Variants in SMAP1 observed in about 807,000 individuals in gnomAD.
SMAP1 encodes the protein stromal membrane-associated protein 1.
SMAP1 carries 24 observed loss-of-function variants against 58.5 expected under a neutral mutation model. The observed-to-expected ratio is 0.41, with a 90% CI of 0.30 to 0.58. The LOEUF (loss-of-function observed/expected upper bound fraction) is 0.58, where lower values mean the gene tolerates loss of function less well. SMAP1 is among the 20% of genes least tolerant of loss of function. The probability of loss-of-function intolerance (pLI) is 0.29; values close to 1 mark genes in which losing one functional copy is unlikely to be tolerated. For synonymous variants in SMAP1, 216 were observed against 196.6 expected, an observed-to-expected ratio of 1.10 and a Z score of -0.82; for missense variants, 563 against 566.3, an observed-to-expected ratio of 0.99 and a Z score of 0.06.
chr6:70,829,283 T>A (rs1003815376), intron 6 of SMAP1, among the ~76,000 whole-genome samples: 3 of 151,824 alleles, frequency 2.0e-5, no homozygotes, highest in African/African-American at 7.3e-5. Context: ...TTTGTTTTTG[T>A]TTTTTTTATT....
intron 1 of SMAP1, among the ~76,000 whole-genome samples, chr6:70,685,007 A>G (rs1198833361): frequency 1.3e-5 from 2 of 152,168 alleles, no homozygotes; most frequent in Non-Finnish European, 2.9e-5. Flanking sequence ...CAGTGTCATT[A>G]CATGTAGAAT....
chr6:70,742,896 A>G (rs1391481347), intron 2 of SMAP1, among the ~76,000 whole-genome samples: 2 of 152,234 alleles, frequency 1.3e-5, no homozygotes, highest in African/African-American at 4.8e-5. Context: ...TTATAAAACC[A>G]TCAGGTCTTG....
At chr6:70,854,499 G>A (rs1272592551) in intron 8 of SMAP1, among the ~76,000 whole-genome samples, 2 of 152,082 alleles carry the variant, frequency 1.3e-5, no homozygotes, top group Non-Finnish European at 2.9e-5. Context: ...GCGTGCGCCT[G>A]TAATCCCAGT....
chr6:70,846,568 G>T (rs1332756886), intron 7 of SMAP1, among the ~76,000 whole-genome samples: 1 of 152,164 alleles, frequency 6.6e-6, no homozygotes, highest in South Asian at 2.1e-4. Flanking sequence ...GGAACATTTG[G>T]AGGTGGAGTT....
At chr6:70,674,190 G>A (rs903067655) in intron 1 of SMAP1, among the ~76,000 whole-genome samples, 1 of 151,028 alleles carries the variant, frequency 6.6e-6, no homozygotes, top group Non-Finnish European at 1.5e-5. Flanking sequence ...TAGGCTCTCT[G>A]CAACCTCTCC....
At chr6:70,757,199 C>G (rs1332105949) in intron 3 of SMAP1, among the ~76,000 whole-genome samples, 2 of 149,986 alleles carry the variant, frequency 1.3e-5, no homozygotes, top group Admixed American at 6.6e-5. Flanking sequence ...GAACAGAGCC[C>G]TCAGAAATAA....
At chr6:70,843,644 C>T (rs1198877555) in intron 7 of SMAP1, among the ~76,000 whole-genome samples, 1 of 152,152 alleles carries the variant, frequency 6.6e-6, no homozygotes, top group Non-Finnish European at 1.5e-5. Flanking sequence ...TTGTGCTATA[C>T]ACGAAATAGA....
At chr6:70,704,694 T>A (rs1329708632) in intron 1 of SMAP1, among the ~76,000 whole-genome samples, 1 of 152,176 alleles carries the variant, frequency 6.6e-6, no homozygotes, top group Non-Finnish European at 1.5e-5. Flanking sequence ...TATAGCAATT[T>A]TCATTGTTAC....
chr6:70,750,725 T>C (rs1427135555), intron 2 of SMAP1, among the ~76,000 whole-genome samples: 1 of 152,160 alleles, frequency 6.6e-6, no homozygotes, highest in Non-Finnish European at 1.5e-5. Context: ...CGATTATGGA[T>C]TGATGAGGGC....
At chr6:70,843,434 A>G (rs1239434068) in intron 7 of SMAP1, among the ~76,000 whole-genome samples, 1 of 152,188 alleles carries the variant, frequency 6.6e-6, no homozygotes. Flanking sequence ...TTTTTGCAAC[A>G]GCCCTGAGAT....
At chr6:70,808,824 T>G (rs1324977769) in intron 6 of SMAP1, among the ~76,000 whole-genome samples, 2 of 144,794 alleles carry the variant, frequency 1.4e-5, no homozygotes, top group Non-Finnish European at 3.0e-5. Context: ...TTTAATCAGG[T>G]TTTTTTTTTT....
At chr6:70,777,785 C>T (rs889194538) in intron 4 of SMAP1, among the ~76,000 whole-genome samples, 6 of 151,636 alleles carry the variant, frequency 4.0e-5, no homozygotes, top group African/African-American at 1.5e-4. Flanking sequence ...TGGAGTCCCC[C>T]TGTTTCACCC....
intron 4 of SMAP1, among the ~76,000 whole-genome samples, chr6:70,784,984 G>A (rs11760141): frequency 0.1 from 15,162 of 151,896 alleles, 814 homozygotes; most frequent in Middle Eastern, 0.2. Context: ...CTCCACCCCA[G>A]ATCAACAGAA....
At position 70,787,291 on chromosome 6, in the gene SMAP1, A is replaced by G. The variant is rs577533417; in HGVS notation, c.415-4398A>G. On this transcript the variant is annotated intron_variant, in intron 4 of 10. Transcript: ENST00000370455. ...ATCCCTTCCTTACACCTTATACAAA[A>G]ATTAATTCAAGATGGATTAAAGACT... is the stretch of plus-strand genomic sequence containing the variant. 2.0e-3 allele frequency among the ~76,000 whole-genome samples: 309 copies of G among 152,350 alleles called. 1 individual carries two copies. The highest frequency in any genetic ancestry group is 6.1e-3 in the African/African-American group (252 of 41,570).
chr6:70,755,306 A>G (rs1234550507), intron 3 of SMAP1, among the ~76,000 whole-genome samples: 1 of 152,072 alleles, frequency 6.6e-6, no homozygotes, highest in Non-Finnish European at 1.5e-5. Flanking sequence ...ATGTGATTAC[A>G]GACCCCTGAT....
intron 1 of SMAP1, among the ~76,000 whole-genome samples, chr6:70,690,688 T>TA (rs1767125231): frequency 2.2e-5 from 3 of 136,556 alleles, no homozygotes; most frequent in South Asian, 4.7e-4. Context: ...GATGTATCTT[T>TA]TATATATATA....
intron 4 of SMAP1, among the ~76,000 whole-genome samples, chr6:70,783,340 C>A (rs565170464): frequency 6.6e-6 from 1 of 152,204 alleles, no homozygotes; most frequent in Admixed American, 6.5e-5. Context: ...GATGAAACCA[C>A]AAAGATGGGG....
chr6:70,723,065 A>G (rs924966633), intron 1 of SMAP1, among the ~76,000 whole-genome samples: 2 of 152,152 alleles, frequency 1.3e-5, no homozygotes, highest in African/African-American at 4.8e-5. Flanking sequence ...AACTTTTATT[A>G]TATTTTATAG....
chr6:70,861,780 C>T lies in SMAP1; in HGVS notation c.*1446C>T. ...GGGGAAGGAAATAGCTTGGGTAGCG[C>T]ACTCTTCATGGTGACACTCGAGGTC... On this transcript the variant is annotated 3_prime_UTR_variant, in exon 11 of 11. Coordinates refer to ENST00000370455, the MANE Select transcript of SMAP1 (RefSeq NM_001044305.3). The T allele has an allele frequency of 6.2e-7, 1 of 1,614,036 alleles. No individual in the cohort carries two copies. Among genetic ancestry groups the T allele is most frequent in the East Asian group, 2.2e-5 (1 of 44,870 alleles).
Sources: gnomAD v4.1 joint callset for allele counts (sites outside exome capture counted in the v4.1 genomes callset) on GRCh38, gnomAD v4.1.1 for gene constraint, MANE v1.5 for transcripts, NCBI Gene and HGNC (gene_info 2026-07-23, HGNC 2026-07-21) for gene names.